The following GRIK4 variants were observed in gnomAD, a reference collection of about 807,000 sequenced individuals.
The protein encoded by GRIK4 is glutamate receptor ionotropic, kainate 4.
GRIK4 carries 40 observed loss-of-function variants against 104.9 expected under a neutral mutation model. The observed-to-expected ratio is 0.38, with a 90% CI of 0.30 to 0.50. The LOEUF is 0.50. GRIK4 is among the 20% of genes least tolerant of loss of function. The pLI is 0.93. For missense variants in GRIK4, 1,047 were observed against 1,308.1 expected, an observed-to-expected ratio of 0.80 and a Z score of 3.08; for synonymous variants, 485 against 524.9, an observed-to-expected ratio of 0.92 and a Z score of 1.04.
chr11:120,612,467 T>A (rs148109330), intron 1 of GRIK4, among the ~76,000 whole-genome samples: 1 of 150,958 alleles, frequency 6.6e-6, no homozygotes, highest in Non-Finnish European at 1.5e-5. Context: ...ATTGATTTCC[T>A]TAAATTTTCT....
chr11:120,746,436 G>GGGACAGGTAGATAGGTC (rs1459973546), intron 3 of GRIK4, among the ~76,000 whole-genome samples: 2 of 152,130 alleles, frequency 1.3e-5, no homozygotes, highest in Non-Finnish European at 2.9e-5. Context: ...GTAGGTAGGT[G>GGGACAGGTAGATAGGTC]GGACAGGTAG....
At chr11:120,893,055 G>T (rs537316750) in intron 11 of GRIK4, among the ~76,000 whole-genome samples, 25 of 152,338 alleles carry the variant, frequency 1.6e-4, no homozygotes, top group Admixed American at 6.5e-4. Flanking sequence ...AACCCCAAGG[G>T]TAGCACTGTA....
At chr11:120,778,055 C>G (rs1481098934) in intron 3 of GRIK4, among the ~76,000 whole-genome samples, 1 of 152,094 alleles carries the variant, frequency 6.6e-6, no homozygotes, top group Non-Finnish European at 1.5e-5. Flanking sequence ...TGACAAGGAC[C>G]GGAGACCAGT....
chr11:120,784,257 C>T (rs949862052), intron 3 of GRIK4, among the ~76,000 whole-genome samples: 2 of 152,176 alleles, frequency 1.3e-5, no homozygotes, highest in African/African-American at 4.8e-5. Flanking sequence ...TACTCCCTTC[C>T]CTGTACTGGC....
chr11:120,727,183 G>A lies in GRIK4; in HGVS notation c.82+66783G>A, dbSNP rs1006832038. 2.6e-5 allele frequency among the ~76,000 whole-genome samples: 4 copies of A among 152,272 alleles called. No individual in the cohort carries two copies. The South Asian group carries it at 8.3e-4, about 32-fold the overall frequency. On this transcript the variant is annotated intron_variant, in intron 3 of 20. Coordinates refer to ENST00000527524, the MANE Select transcript of GRIK4 (RefSeq NM_014619.5). ...GGTATGTGCAACAAGTCCACCAGAT[G>A]GAACAAAGGGGCGAGAGCAGCCTCG...
At chr11:120,563,902 G>C (rs899308857) in intron 1 of GRIK4, among the ~76,000 whole-genome samples, 1 of 152,200 alleles carries the variant, frequency 6.6e-6, no homozygotes, top group African/African-American at 2.4e-5. Context: ...CACAGTCACC[G>C]TCTGGGCCCC....
intron 19 of GRIK4, among the ~76,000 whole-genome samples, chr11:120,969,833 G>A (rs189739521): frequency 1.3e-5 from 2 of 152,186 alleles, no homozygotes; most frequent in South Asian, 2.1e-4. Flanking sequence ...TGATTGATAA[G>A]TGAAATAGAA....
At chr11:120,543,152 C>G (rs1948053626) in intron 1 of GRIK4, among the ~76,000 whole-genome samples, 1 of 152,178 alleles carries the variant, frequency 6.6e-6, no homozygotes, top group East Asian at 1.9e-4. Flanking sequence ...GCGGAAAAAA[C>G]TATTGAGTAC....
At chr11:120,948,370 A>G (rs1003177277) in intron 14 of GRIK4, among the ~76,000 whole-genome samples, 11 of 152,192 alleles carry the variant, frequency 7.2e-5, no homozygotes, top group African/African-American at 2.7e-4. Flanking sequence ...CGTATCATGC[A>G]TTTGTGTAGG....
chr11:120,602,952 C>T (rs763996199), intron 1 of GRIK4, among the ~76,000 whole-genome samples: 2 of 152,190 alleles, frequency 1.3e-5, no homozygotes, highest in African/African-American at 2.4e-5. Flanking sequence ...GTCTTCCTGC[C>T]GCAGCCTCCC....
At chr11:120,628,340 C>A (rs1949286835) in intron 1 of GRIK4, among the ~76,000 whole-genome samples, 1 of 152,184 alleles carries the variant, frequency 6.6e-6, no homozygotes, top group Admixed American at 6.5e-5. Context: ...TAGCCATGGT[C>A]CCAGGAGCCC....
chr11:120,961,621 TC>T (rs1944288506), intron 17 of GRIK4, among the ~76,000 whole-genome samples: 2 of 152,194 alleles, frequency 1.3e-5, no homozygotes, highest in Admixed American at 1.3e-4. Flanking sequence ...TCTTTGAGTT[TC>T]CCTTGCAAGG....
At chr11:120,707,772 G>C (rs1272323396) in intron 3 of GRIK4, among the ~76,000 whole-genome samples, 1 of 152,162 alleles carries the variant, frequency 6.6e-6, no homozygotes, top group Non-Finnish European at 1.5e-5. Flanking sequence ...GTTGGTGCTG[G>C]CTACAGGCTG....
intron 1 of GRIK4, among the ~76,000 whole-genome samples, chr11:120,563,357 G>T (rs1206148272): frequency 1.3e-5 from 2 of 152,062 alleles, no homozygotes; most frequent in Non-Finnish European, 2.9e-5. Flanking sequence ...GGGCTCCAGA[G>T]AACAACTTCT....
At chr11:120,955,911 G>A (rs969602080) in intron 15 of GRIK4, among the ~76,000 whole-genome samples, 6 of 151,994 alleles carry the variant, frequency 3.9e-5, no homozygotes, top group Non-Finnish European at 8.8e-5. Context: ...ATGGACACTG[G>A]CCCGGTGGCA....
chr11:120,960,672 C>T (rs1591335620), intron 16 of GRIK4, among the ~76,000 whole-genome samples: 1 of 152,250 alleles, frequency 6.6e-6, no homozygotes, highest in Non-Finnish European at 1.5e-5. Flanking sequence ...CAATAATCAT[C>T]TCCTTTAGGA....
chr11:120,916,784 T>G (rs557545273), intron 13 of GRIK4, among the ~76,000 whole-genome samples: 1 of 152,360 alleles, frequency 6.6e-6, no homozygotes, highest in East Asian at 1.9e-4. Context: ...TGTTTAGACT[T>G]GAGTCTCATT....
intron 3 of GRIK4, among the ~76,000 whole-genome samples, chr11:120,684,676 C>T (rs905561711): frequency 5.3e-5 from 8 of 152,144 alleles, no homozygotes; most frequent in Non-Finnish European, 1.2e-4. Context: ...TCTGTGCTTA[C>T]CTGACACGGT....
intron 1 of GRIK4, among the ~76,000 whole-genome samples, chr11:120,598,690 C>T (rs950077533): frequency 1.3e-5 from 2 of 152,224 alleles, no homozygotes; most frequent in South Asian, 4.1e-4. Flanking sequence ...CACATGGCCT[C>T]TTATCTTCCA....
Sources: gnomAD v4.1 joint callset for allele counts (sites outside exome capture counted in the v4.1 genomes callset) on GRCh38, gnomAD v4.1.1 for gene constraint, MANE v1.5 for transcripts, NCBI Gene and HGNC (gene_info 2026-07-23, HGNC 2026-07-21) for gene names.